The following OPCML variants were observed in gnomAD, a reference collection of about 807,000 sequenced individuals.
OPCML encodes the protein opioid binding protein/cell adhesion molecule like, also known as opioid-binding protein/cell adhesion molecule.
Under a neutral mutation model 37.8 loss-of-function variants are expected in OPCML, and 13 were observed. That is an observed-to-expected ratio of 0.34 (90% CI 0.22 to 0.55). The LOEUF (loss-of-function observed/expected upper bound fraction) is 0.55, where lower values mean the gene tolerates loss of function less well. OPCML is among the 20% of genes least tolerant of loss of function. The probability of loss-of-function intolerance (pLI) is 0.91; values close to 1 mark genes in which losing one functional copy is unlikely to be tolerated. For missense variants in OPCML, 341 were observed against 435.6 expected (o/e 0.78, Z 1.93); for synonymous variants, 176 against 168.8 (o/e 1.04, Z -0.33).
intron 1 of OPCML, among the ~76,000 whole-genome samples, chr11:133,529,977 C>G (rs996564035): frequency 6.6e-6 from 1 of 152,120 alleles, no homozygotes; most frequent in Non-Finnish European, 1.5e-5. Context: ...TTGTTCTTAC[C>G]GGGCTCCTGA....
chr11:133,220,954 C>T (rs1939792534), intron 1 of OPCML, among the ~76,000 whole-genome samples: 1 of 152,208 alleles, frequency 6.6e-6, no homozygotes, highest in Admixed American at 6.5e-5. Flanking sequence ...GAACTAATCT[C>T]ACGGCTGTAT....
intron 1 of OPCML, among the ~76,000 whole-genome samples, chr11:133,124,674 C>G (rs1454501031): frequency 6.6e-6 from 1 of 152,156 alleles, no homozygotes; most frequent in Non-Finnish European, 1.5e-5. Flanking sequence ...TGTTCCTCAG[C>G]CTTCATCACG....
At chr11:133,330,336 G>A (rs555696880) in intron 1 of OPCML, among the ~76,000 whole-genome samples, 2 of 152,156 alleles carry the variant, frequency 1.3e-5, no homozygotes, top group East Asian at 1.9e-4. Flanking sequence ...CTATTACTGG[G>A]TGTATACCCA....
In OPCML at chr11:132,555,102, G is replaced by C. The variant is rs1291663901; in HGVS notation, c.380-25916C>G. On this transcript the variant is annotated intron_variant, in intron 3 of 7. Transcript: ENST00000524381. ...ATTCCCTCTGAGACAGTAGGGGAAG[G>C]ATGCTGCAACCACAAGGGAAAATCA... Among the ~76,000 whole-genome samples the C allele has an allele frequency of 2.6e-5, 4 of 152,154 alleles. No homozygotes were observed. The East Asian group carries it at 7.8e-4, about 30-fold the overall frequency.
At chr11:132,656,875 C>G (rs1941734172) in intron 3 of OPCML, among the ~76,000 whole-genome samples, 2 of 152,160 alleles carry the variant, frequency 1.3e-5, no homozygotes, top group African/African-American at 4.8e-5. Flanking sequence ...AACAGAAGGA[C>G]TAGAGATAAC....
intron 1 of OPCML, among the ~76,000 whole-genome samples, chr11:133,332,494 T>C (rs1592209319): frequency 1.3e-5 from 2 of 152,176 alleles, no homozygotes; most frequent in South Asian, 2.1e-4. Context: ...ATAGAAGTGG[T>C]GAGAGAGGGC....
At chr11:133,021,455 C>T (rs1195890126) in intron 1 of OPCML, among the ~76,000 whole-genome samples, 4 of 151,992 alleles carry the variant, frequency 2.6e-5, no homozygotes, top group Non-Finnish European at 4.4e-5. Context: ...AAGCCGAAGA[C>T]ACATTTGTTC....
rs185382745 is a variant in OPCML at position 133,174,814 on chromosome 11, C to A, written c.62-231804G>T. 4.9e-4 allele frequency among the ~76,000 whole-genome samples: 74 copies of A among 152,196 alleles called. No homozygotes were observed. The highest frequency in any genetic ancestry group is 9.7e-4 in the Non-Finnish European group (66 of 68,012). On this transcript the variant is annotated intron_variant, in intron 1 of 7. Transcript: ENST00000524381. This position sits in a 1 kb window ranked among gnomAD's most constrained non-coding sequence, Gnocchi z 4.6. ...TTATGATGAGTGTATACTTCGTGTG[C>A]ACTAGAAAAAGAGTACTTTAAAATA...
intron 2 of OPCML, among the ~76,000 whole-genome samples, chr11:132,825,169 C>T (rs1337557912): frequency 6.6e-6 from 1 of 152,086 alleles, no homozygotes; most frequent in African/African-American, 2.4e-5. Context: ...CTTTTCTGTC[C>T]ATCTCTAAGT....
At chr11:133,244,620 T>G (rs1350947054) in intron 1 of OPCML, among the ~76,000 whole-genome samples, 1 of 152,144 alleles carries the variant, frequency 6.6e-6, no homozygotes, top group Admixed American at 6.5e-5. Flanking sequence ...GATTTCCCCC[T>G]TGCTGTTCTC....
At chr11:132,547,463 G>T (rs2096371336) in intron 3 of OPCML, among the ~76,000 whole-genome samples, 1 of 152,084 alleles carries the variant, frequency 6.6e-6, no homozygotes, top group African/African-American at 2.4e-5. Flanking sequence ...GGAGAAGAAG[G>T]CTATGACTAG....
chr11:132,447,360 G>T (rs930400548), intron 4 of OPCML, among the ~76,000 whole-genome samples: 1 of 152,024 alleles, frequency 6.6e-6, no homozygotes, highest in African/African-American at 2.4e-5. Flanking sequence ...GTGCAGTGGC[G>T]CAATCTTGGC....
chr11:133,316,545 G>C (rs1201253586), intron 1 of OPCML, among the ~76,000 whole-genome samples: 1 of 152,130 alleles, frequency 6.6e-6, no homozygotes, highest in African/African-American at 2.4e-5. Flanking sequence ...ATGGGTTGAT[G>C]GGTGCAGCAA....
At chr11:133,054,551 T>C (rs1027038270) in intron 1 of OPCML, among the ~76,000 whole-genome samples, 5 of 152,204 alleles carry the variant, frequency 3.3e-5, no homozygotes, top group African/African-American at 9.6e-5. Flanking sequence ...CTTCATCTAT[T>C]TGTTGTCTGC....
Position 132,566,057 on chromosome 11 carries a change from C to A in OPCML, c.380-36871G>T, listed in dbSNP as rs534583818. On this transcript the variant is annotated intron_variant, in intron 3 of 7. Transcript: ENST00000524381. ...CAAAAACAGAACAAAATAAAAAAAA[C>A]CTCCCATTTGGCTCTGTCTGATTAA... Among the ~76,000 whole-genome samples, 202 of 152,212 alleles carry A rather than the reference C, an allele frequency of 1.3e-3. 3 individuals are homozygous for A. In the South Asian group the frequency reaches 0.025, roughly 19 times the overall value.
chr11:133,050,678 C>T (rs1254798321), intron 1 of OPCML, among the ~76,000 whole-genome samples: 1 of 151,352 alleles, frequency 6.6e-6, no homozygotes, highest in Non-Finnish European at 1.5e-5. Flanking sequence ...TTTCACATTG[C>T]AGTGTAAAAC....
intron 7 of OPCML, among the ~76,000 whole-genome samples, chr11:132,424,914 G>A (rs2095973082): frequency 6.6e-6 from 1 of 152,160 alleles, no homozygotes; most frequent in Non-Finnish European, 1.5e-5. Context: ...TATTGGTAAG[G>A]GAGTGAGTAA....
intron 1 of OPCML, among the ~76,000 whole-genome samples, chr11:133,246,626 A>G (rs560724743): frequency 6.6e-6 from 1 of 152,330 alleles, no homozygotes; most frequent in South Asian, 2.1e-4. Context: ...GGGCAGAGAC[A>G]TCCGGGGCAA....
At chr11:133,103,227 A>C (rs1188921048) in intron 1 of OPCML, among the ~76,000 whole-genome samples, 1 of 152,294 alleles carries the variant, frequency 6.6e-6, no homozygotes, top group East Asian at 1.9e-4. Context: ...TACTTATTCT[A>C]TTTGATCAAC....
Sources: gnomAD v4.1 joint callset for allele counts (sites outside exome capture counted in the v4.1 genomes callset) on GRCh38, gnomAD v4.1.1 for gene constraint, Gnocchi (gnomAD v3.1) non-coding constraint, MANE v1.5 for transcripts, NCBI Gene and HGNC (gene_info 2026-07-23, HGNC 2026-07-21) for gene names.